The following PGM5 variants were observed in gnomAD, a reference collection of about 807,000 sequenced individuals.
PGM5 encodes phosphoglucomutase-like protein 5.
PGM5 carries 23 observed loss-of-function variants against 59.2 expected under a neutral mutation model. That is an observed-to-expected ratio of 0.39 (90% CI 0.28 to 0.55). The LOEUF is 0.55. PGM5 is among the 20% of genes least tolerant of loss of function. The probability of loss-of-function intolerance (pLI) is 0.66; values close to 1 mark genes in which losing one functional copy is unlikely to be tolerated. For synonymous variants in PGM5, 214 were observed against 286.0 expected, an observed-to-expected ratio of 0.75 and a Z score of 2.54; for missense variants, 574 against 748.3, an observed-to-expected ratio of 0.77 and a Z score of 2.72.
intron 6 of PGM5, among the ~76,000 whole-genome samples, chr9:68,444,042 G>GTC (rs1275844615): frequency 6.6e-6 from 1 of 151,452 alleles, no homozygotes; most frequent in Non-Finnish European, 1.5e-5. Context: ...ACTTAGAAGA[G>GTC]TCTCTCTCTT....
intron 1 of PGM5, among the ~76,000 whole-genome samples, chr9:68,372,322 C>T (rs1821757666): frequency 6.6e-6 from 1 of 151,048 alleles, no homozygotes; most frequent in Non-Finnish European, 1.5e-5. Flanking sequence ...TCCTTGGCTT[C>T]CCGGGTGTGG....
At chr9:68,388,501 C>T (rs1318278751) in intron 4 of PGM5, among the ~76,000 whole-genome samples, 6 of 151,786 alleles carry the variant, frequency 4.0e-5, no homozygotes, top group Non-Finnish European at 8.8e-5. Context: ...TCTTTTTACA[C>T]ATCTCTTATG....
chr9:68,434,316 C>CAAAA (rs71353054), intron 6 of PGM5, among the ~76,000 whole-genome samples: 43 of 90,810 alleles, frequency 4.7e-4, no homozygotes, highest in Non-Finnish European at 6.1e-4. Context: ...GACTCCGTCT[C>CAAAA]AAAAAAAAAA....
chr9:68,374,794 G>C (rs1311512899), intron 1 of PGM5, among the ~76,000 whole-genome samples: 2 of 152,170 alleles, frequency 1.3e-5, no homozygotes, highest in Non-Finnish European at 2.9e-5. Context: ...ATTTGTTCTA[G>C]GTTCTTGGAA....
At chr9:68,529,070 C>T (rs1317852304) in intron 10 of PGM5, among the ~76,000 whole-genome samples, 2 of 151,972 alleles carry the variant, frequency 1.3e-5, no homozygotes, top group African/African-American at 2.4e-5. Flanking sequence ...ATTTCTGCAA[C>T]GTTGGCCAAT....
At chr9:68,442,993 T>A (rs1370586668) in intron 6 of PGM5, among the ~76,000 whole-genome samples, 1 of 152,208 alleles carries the variant, frequency 6.6e-6, no homozygotes, top group Non-Finnish European at 1.5e-5. Flanking sequence ...AGTTTGTCAA[T>A]TGCTTATAAA....
chr9:68,411,488 G>GTATATATATATATA (rs782604420), intron 6 of PGM5, among the ~76,000 whole-genome samples: 4 of 140,698 alleles, frequency 2.8e-5, no homozygotes, highest in South Asian at 2.3e-4. Context: ...GTGTGTGTGT[G>GTATATATATATATA]TATATATATA....
At chr9:68,510,176 G>C (rs1824726106) in intron 10 of PGM5, among the ~76,000 whole-genome samples, 2 of 128,606 alleles carry the variant, frequency 1.6e-5, no homozygotes, top group Non-Finnish European at 3.1e-5. Context: ...TTTTGAGACA[G>C]AGCCTCGCTC....
chr9:68,479,648 C>T, intron 8 of PGM5, 95 bp downstream of exon 8: 1 of 1,367,206 alleles, frequency 7.3e-7, no homozygotes, highest in Non-Finnish European at 1.0e-6. Context: ...AAAAAGGAGG[C>T]ATCAGGCCGG....
chr9:68,373,919 GAT>G, intron 1 of PGM5, among the ~76,000 whole-genome samples: 1 of 152,250 alleles, frequency 6.6e-6, no homozygotes, highest in South Asian at 2.1e-4. Flanking sequence ...GTGTAGAGAT[GAT>G]ATGTTTGTTT....
chr9:68,427,706 G>A (rs1554682774), intron 6 of PGM5, among the ~76,000 whole-genome samples: 7 of 152,246 alleles, frequency 4.6e-5, no homozygotes, highest in Non-Finnish European at 1.0e-4. Flanking sequence ...GATGTAGAAA[G>A]TTTTCCTTGG....
chr9:68,412,385 G>GT (rs1822949887), intron 6 of PGM5, among the ~76,000 whole-genome samples: 1 of 152,224 alleles, frequency 6.6e-6, no homozygotes, highest in South Asian at 2.1e-4. Context: ...TGAGAGTCAT[G>GT]AAGTTTACAA....
chr9:68,419,709 T>G (rs1240175717), intron 6 of PGM5, among the ~76,000 whole-genome samples: 1 of 152,210 alleles, frequency 6.6e-6, no homozygotes, highest in African/African-American at 2.4e-5. Context: ...GCAATGTCAG[T>G]TATCTCAGAG....
chr9:68,387,509 C>A lies in PGM5; in HGVS notation c.618C>A (p.Thr206=). The A allele has an allele frequency of 6.2e-7, 1 of 1,612,040 alleles. No individual in the cohort carries two copies. Among genetic ancestry groups the A allele is most frequent in the Non-Finnish European group, 8.5e-7 (1 of 1,178,458 alleles). Reference sequence around the variant, plus strand: ...ATATCTATCTTAACCTCCTTCGGACCATCTTTGACTTTCATGCCATCAAGG... The same window carrying A: ...ATATCTATCTTAACCTCCTTCGGACAATCTTTGACTTTCATGCCATCAAGG... ...PVDIYLNLLR[T]IFDFHAIKGL... Residue 206 remains threonine, a synonymous_variant, in exon 4 of 11, where the codon ACC becomes ACA. Transcript: ENST00000396396.
intron 6 of PGM5, among the ~76,000 whole-genome samples, chr9:68,460,221 A>ATATTC (rs1295745870): frequency 6.6e-6 from 1 of 152,152 alleles, no homozygotes; most frequent in Non-Finnish European, 1.5e-5. Flanking sequence ...TCAATATATG[A>ATATTC]TATTCTGGTA....
chr9:68,509,484 T>C (rs2132111957), intron 10 of PGM5, among the ~76,000 whole-genome samples: 1 of 152,240 alleles, frequency 6.6e-6, no homozygotes, highest in East Asian at 1.9e-4. Flanking sequence ...TGGCTTGAAA[T>C]GTAGACTTCA....
chr9:68,521,771 G>A (rs1489590950), intron 10 of PGM5, among the ~76,000 whole-genome samples: 1 of 152,194 alleles, frequency 6.6e-6, no homozygotes, highest in East Asian at 1.9e-4. Context: ...ACCATGGCCA[G>A]GGAAACAGTC....
intron 6 of PGM5, among the ~76,000 whole-genome samples, chr9:68,440,419 A>G (rs906053908): frequency 6.6e-6 from 1 of 152,196 alleles, no homozygotes; most frequent in East Asian, 1.9e-4. Flanking sequence ...CTAAAATTTA[A>G]TAACAGAGAG....
At chr9:68,492,741 G>T (rs1267906467) in intron 9 of PGM5, among the ~76,000 whole-genome samples, 1 of 152,180 alleles carries the variant, frequency 6.6e-6, no homozygotes, top group Non-Finnish European at 1.5e-5. Context: ...TTGGACTCAT[G>T]CTCACAGCTA....
Sources: allele counts gnomAD v4.1 joint callset (sites outside exome capture counted in the v4.1 genomes callset), GRCh38; gene constraint gnomAD v4.1.1; transcripts MANE v1.5; gene names NCBI Gene and HGNC (gene_info 2026-07-23, HGNC 2026-07-21).